The following RDH12 variants were observed in gnomAD, a reference collection of about 807,000 sequenced individuals.
The protein encoded by RDH12 is retinol dehydrogenase 12, also known as all-trans and 9-cis retinol dehydrogenase.
In RDH12, 21 loss-of-function variants were observed where a neutral mutation model predicts 34.0. The ratio of observed to expected loss-of-function variants is 0.62; its 90% CI spans 0.44 to 0.89. The LOEUF (loss-of-function observed/expected upper bound fraction) is 0.89. Ranked by LOEUF, RDH12 falls within the 40% of genes least tolerant of loss-of-function variation. RDH12 has a pLI of 0.00. For synonymous variants in RDH12, 198 were observed against 169.9 expected (o/e 1.17, Z -1.29); for missense variants, 394 against 398.6 (o/e 0.99, Z 0.10).
In RDH12 at chr14:67,725,109, C is replaced by T; in HGVS notation, c.198C>T (p.Val66=). 6.2e-7 allele frequency: 1 copy of T among 1,614,190 alleles called. No individual in the cohort carries two copies. ...ARELASRGAR[V]YIACRDVLKG... is the part of the protein sequence containing the mutation. ...TTGTCTTGGACCCAGGAGCCCGAGT[C>T]TATATTGCCTGCAGAGATGTACTGA... Residue 66 remains valine, a synonymous_variant, in exon 5 of 9, where the codon GTC becomes GTT. Coordinates refer to ENST00000551171, the MANE Select transcript of RDH12 (RefSeq NM_152443.3).
chr14:67,704,409 T>C (rs2037931097), intron 1 of RDH12, among the ~76,000 whole-genome samples: 1 of 152,248 alleles, frequency 6.6e-6, no homozygotes, highest in African/African-American at 2.4e-5. Flanking sequence ...TCCATTCAAT[T>C]TGTCTGTATC....
At chr14:67,732,475 C>T (rs925053803) in intron 8 of RDH12, among the ~76,000 whole-genome samples, 2 of 141,596 alleles carry the variant, frequency 1.4e-5, no homozygotes, top group East Asian at 2.3e-4. Flanking sequence ...AGTATGATCC[C>T]GGTTTTATGT....
At position 67,727,185 on chromosome 14, in the gene RDH12, T is replaced by A; in HGVS notation, c.653T>A (p.Leu218His). Residue 218 changes from leucine (L) to histidine (H), a missense_variant, in exon 7 of 9, where the codon CTC (leucine) becomes CAC (histidine). Leu to His is a moderately conservative substitution (Grantham distance 99). Coordinates refer to ENST00000551171, the MANE Select transcript of RDH12 (RefSeq NM_152443.3). ...TTTACTCGTGAGCTGGCCAAGAGGC[T>A]CCAAGGTAAGTCTGGAGAAAGAGGA... The part of the protein sequence containing the change: ...VLFTRELAKR[L>H]QGTGVTTYAV... 4 of 1,612,054 alleles carry A rather than the reference T, an allele frequency of 2.5e-6. No homozygotes were observed. The highest frequency in any genetic ancestry group is 2.5e-6 in the Non-Finnish European group (3 of 1,179,204).
intron 2 of RDH12, among the ~76,000 whole-genome samples, chr14:67,721,528 C>T (rs1377478998): frequency 6.6e-6 from 1 of 152,068 alleles, no homozygotes; most frequent in Admixed American, 6.6e-5. Flanking sequence ...TCTTGTATTT[C>T]TCCTCATCTT....
chr14:67,719,256 T>C (rs1259160395), intron 1 of RDH12, among the ~76,000 whole-genome samples: 1 of 152,154 alleles, frequency 6.6e-6, no homozygotes, highest in Non-Finnish European at 1.5e-5. Context: ...GAAAACAATG[T>C]CCCTTTCAAT....
intron 1 of RDH12, among the ~76,000 whole-genome samples, chr14:67,709,844 G>A (rs1053675432): frequency 2.0e-5 from 3 of 152,156 alleles, no homozygotes; most frequent in African/African-American, 7.2e-5. Context: ...AGTGTGAAAG[G>A]AAATATCTTG....
At chr14:67,729,823 T>C (rs2038245039) in intron 8 of RDH12, 1 of 477,126 alleles carries the variant, frequency 2.1e-6, no homozygotes, top group African/African-American at 2.0e-5. Flanking sequence ...GCACTATCTG[T>C]TGAAATATAG....
intron 1 of RDH12, among the ~76,000 whole-genome samples, chr14:67,710,643 G>A (rs1594859726): frequency 6.6e-6 from 1 of 150,376 alleles, no homozygotes; most frequent in African/African-American, 2.4e-5. Flanking sequence ...TTATTTCCTG[G>A]TTCCTTTTAC....
chr14:67,709,335 C>T (rs564964424), intron 1 of RDH12, among the ~76,000 whole-genome samples: 76 of 152,302 alleles, frequency 5.0e-4, no homozygotes, highest in African/African-American at 1.7e-3. Context: ...CTAATAAAAA[C>T]AGCATGAAGC....
chr14:67,720,420 A>G (rs935659252), intron 1 of RDH12, among the ~76,000 whole-genome samples: 16 of 152,286 alleles, frequency 1.1e-4, no homozygotes, highest in African/African-American at 3.8e-4. Context: ...GAAAGGTCTT[A>G]CCACTCTAAA....
In RDH12 at chr14:67,725,106, A is replaced by G. The variant is rs771614823; in HGVS notation, c.195A>G (p.Arg65=). 2.5e-6 allele frequency: 4 copies of G among 1,614,020 alleles called. No homozygotes were observed. The highest frequency in any genetic ancestry group is 3.4e-6 in the Non-Finnish European group (4 of 1,180,030). The change falls in exon 5 of 9, where the codon CGA becomes CGG. Residue 65 remains arginine, a synonymous_variant. Transcript: ENST00000551171. ...TARELASRGA[R]VYIACRDVLK... ...TTTTTGTCTTGGACCCAGGAGCCCG[A>G]GTCTATATTGCCTGCAGAGATGTAC...
Position 67,726,194 on chromosome 14 carries a change from A to C in RDH12, c.448+39A>C, listed in dbSNP as rs752360207. 2.6e-6 allele frequency: 3 copies of C among 1,175,480 alleles called. No homozygotes were observed. The Admixed American group carries it at 5.0e-5, about 20-fold the overall frequency. 72.8% of individuals were successfully genotyped at this position (1,175,480 alleles called of 1,614,324 possible). A position where few individuals can be genotyped will look rare whatever the true frequency, so the allele number is the denominator to read the frequency against. Reference sequence around the variant, plus strand: ...GGTGACTAAAAAATGAGGTACACCCACTATCTTTTCTTTAGGAAGATGACA... The same window carrying C: ...GGTGACTAAAAAATGAGGTACACCCCCTATCTTTTCTTTAGGAAGATGACA... On this transcript the variant is annotated intron_variant, in intron 6 of 8. Transcript: ENST00000551171.
rs750567712 is a variant in RDH12, at chr14:67,724,487, G to T, written c.83G>T (p.Gly28Val). 1.2e-6 allele frequency: 2 copies of T among 1,612,858 alleles called. No individual in the cohort carries two copies. The highest frequency in any genetic ancestry group is 1.7e-6 in the Non-Finnish European group (2 of 1,179,276). The change falls in exon 4 of 9, where the codon GGT becomes GTT. Residue 28 changes from glycine to valine, a missense_variant. Gly to Val is a moderately radical substitution (Grantham distance 109). Transcript: ENST00000551171. ...CTTGCCGATAGGAAGTTCTTTGCTG[G>T]TGGAGTGTGTAGAACAAATGTGCAG... ...VAPSIRKFFAGGVCRTNVQLP... is the reference protein window; with the variant it reads ...VAPSIRKFFAVGVCRTNVQLP...
Position 67,734,152 on chromosome 14 carries a change from A to T in RDH12, c.*304A>T. On this transcript the variant is annotated 3_prime_UTR_variant, in exon 9 of 9. Coordinates refer to ENST00000551171, the MANE Select transcript of RDH12 (RefSeq NM_152443.3). The stretch of plus-strand genomic sequence containing the variant: ...GGCATGGGGGTGGCAGAAGAGCCCG[A>T]GAAATTGGGTCAGTTCCCTCATCAG... 3.0e-6 allele frequency: 1 copy of T among 333,894 alleles called. No individual in the cohort carries two copies. The highest frequency in any genetic ancestry group is 5.9e-6 in the Non-Finnish European group (1 of 170,016). The allele number at this position is 333,894 out of a possible 1,614,324, so 20.7% of individuals were successfully genotyped here.
intron 1 of RDH12, among the ~76,000 whole-genome samples, chr14:67,709,023 C>A (rs1036032239): frequency 6.6e-6 from 1 of 152,162 alleles, no homozygotes; most frequent in African/African-American, 2.4e-5. Context: ...GATCTTTTGA[C>A]CTCATGATCC....
intron 1 of RDH12, among the ~76,000 whole-genome samples, chr14:67,712,305 T>C (rs1594860272): frequency 6.6e-6 from 1 of 152,082 alleles, no homozygotes; most frequent in Non-Finnish European, 1.5e-5. Context: ...GAGAATTATT[T>C]TGAGGTTAAA....
At chr14:67,703,764 C>T (rs1412644734) in intron 1 of RDH12, among the ~76,000 whole-genome samples, 1 of 152,186 alleles carries the variant, frequency 6.6e-6, no homozygotes, top group Non-Finnish European at 1.5e-5. Flanking sequence ...CAACCTCTCT[C>T]TCCTGGTCTC....
intron 1 of RDH12, among the ~76,000 whole-genome samples, chr14:67,717,040 A>G (rs11623785): frequency 0.13 from 20,120 of 152,246 alleles, 1,371 homozygotes; most frequent in East Asian, 0.21. Context: ...TTTTATTAAC[A>G]TACTTCAAAC....
At chr14:67,713,054 A>G (rs780770415) in intron 1 of RDH12, among the ~76,000 whole-genome samples, 5 of 152,162 alleles carry the variant, frequency 3.3e-5, no homozygotes, top group Admixed American at 6.5e-5. Context: ...CAGGAAAAAG[A>G]CTGAAACAAC....
Sources: gnomAD v4.1 joint callset for allele counts (sites outside exome capture counted in the v4.1 genomes callset) on GRCh38, gnomAD v4.1.1 for gene constraint, MANE v1.5 for transcripts, NCBI Gene and HGNC (gene_info 2026-07-23, HGNC 2026-07-21) for gene names.